The following BCL2L13 variants were observed in gnomAD, a reference collection of about 807,000 sequenced individuals.
BCL2L13 encodes the protein BCL2 like 13.
BCL2L13 carries 13 observed loss-of-function variants against 25.8 expected under a neutral mutation model. The ratio of observed to expected loss-of-function variants is 0.50; its 90% confidence interval spans 0.33 to 0.80. The LOEUF (loss-of-function observed/expected upper bound fraction) is 0.80. Among genes scored for constraint, BCL2L13 ranks in the 30% least tolerant of loss-of-function variants. The pLI is 0.02. For missense variants in BCL2L13, 504 were observed against 574.9 expected (o/e 0.88, Z 1.26); for synonymous variants, 244 against 230.3 (o/e 1.06, Z -0.54).
intron 6 of BCL2L13, among the ~76,000 whole-genome samples, chr22:17,711,304 C>CTTTTTTTTTTTTTTT (rs765639315): frequency 0.076 from 9,266 of 122,244 alleles, 809 homozygotes; most frequent in Non-Finnish European, 0.11. Flanking sequence ...CATGATGGGC[C>CTTTTTTTTTTTTTTT]TTTTTTTTTT....
chr22:17,657,881 ATGGCGATCT>A (rs1328631559), intron 2 of BCL2L13, among the ~76,000 whole-genome samples: 1 of 129,120 alleles, frequency 7.7e-6, no homozygotes, highest in Non-Finnish European at 1.6e-5. Flanking sequence ...CTGGAGTTCA[ATGGCGATCT>A]TGGCTCACTG....
chr22:17,639,856 C>CTT (rs113964087), intron 1 of BCL2L13, among the ~76,000 whole-genome samples: 2,625 of 140,892 alleles, frequency 0.019, 81 homozygotes, highest in African/African-American at 0.062. Flanking sequence ...TACCTTCTTT[C>CTT]TTTTTTTTTT....
At chr22:17,681,299 GATCGAGACC>G (rs1295962896) in intron 2 of BCL2L13, among the ~76,000 whole-genome samples, 1 of 152,028 alleles carries the variant, frequency 6.6e-6, no homozygotes, top group Non-Finnish European at 1.5e-5. Flanking sequence ...GGGGCCAGGA[GATCGAGACC>G]ATCCTGGCTA....
At chr22:17,697,322 C>T (rs2060294645) in intron 5 of BCL2L13, among the ~76,000 whole-genome samples, 1 of 152,088 alleles carries the variant, frequency 6.6e-6, no homozygotes, top group Admixed American at 6.6e-5. Context: ...CCTGTAGTCT[C>T]AGCTACTCAG....
intron 6 of BCL2L13, among the ~76,000 whole-genome samples, chr22:17,717,354 TG>T (rs35898645): frequency 0.3 from 41,549 of 137,214 alleles, 7,374 homozygotes; most frequent in African/African-American, 0.39. Flanking sequence ...GCAGGCAGCC[TG>T]GGGCAACAGA....
intron 5 of BCL2L13, among the ~76,000 whole-genome samples, chr22:17,696,514 G>A (rs902316193): frequency 5.3e-5 from 8 of 152,134 alleles, no homozygotes; most frequent in Non-Finnish European, 1.2e-4. Flanking sequence ...TTATTAACAT[G>A]TGAGTGTGTC....
Position 17,711,067 on chromosome 22 carries a change from A to ATTTT in BCL2L13, c.600+8681_600+8682insTTTT, listed in dbSNP as rs1229649715. Among the ~76,000 whole-genome samples the ATTTT allele has an allele frequency of 4.1e-3, 621 of 151,720 alleles. 3 individuals are homozygous for ATTTT. Among genetic ancestry groups the ATTTT allele is most frequent in the Middle Eastern group, 0.017 (5 of 294 alleles). On this transcript the variant is annotated intron_variant, in intron 6 of 6. Transcript: ENST00000317582. ...TTGAGCTGTTAAAAATAAGGGGAAAAGCCAGGCGTGGTGGTGCGGTGGCTC... is the reference window on the plus strand; with the variant it reads ...TTGAGCTGTTAAAAATAAGGGGAAAATTTTGCCAGGCGTGGTGGTGCGGTGGCTC...
chr22:17,671,155 G>A (rs554932899), intron 2 of BCL2L13, among the ~76,000 whole-genome samples: 2 of 152,032 alleles, frequency 1.3e-5, no homozygotes, highest in African/African-American at 4.8e-5. Context: ...AACACTTTGG[G>A]AGGCCGAGGT....
intron 2 of BCL2L13, among the ~76,000 whole-genome samples, chr22:17,678,287 G>A (rs968396207): frequency 6.6e-6 from 1 of 152,060 alleles, no homozygotes; most frequent in African/African-American, 2.4e-5. Context: ...GCCTCCCAAA[G>A]TGCTGAGATT....
At chr22:17,699,972 C>G (rs1248607156) in intron 5 of BCL2L13, among the ~76,000 whole-genome samples, 3 of 151,654 alleles carry the variant, frequency 2.0e-5, no homozygotes. Flanking sequence ...GATAGCATGC[C>G]AAATAGGTAA....
rs2061367108 is a variant in BCL2L13, at chr22:17,729,411, AT to A, written c.*1878del. ...ATGATTTTTTTCTTCATGGGCTCTG[AT>A]AGTTGCATTGATTGTTCTGTATTCT... On this transcript the variant is annotated 3_prime_UTR_variant, in exon 7 of 7. Transcript: ENST00000317582. The A allele has an allele frequency of 1.3e-5, 2 of 152,162 alleles. No homozygotes were observed. Among genetic ancestry groups the A allele is most frequent in the African/African-American group, 4.8e-5 (2 of 41,426 alleles). 9.4% of individuals were successfully genotyped at this position (152,162 alleles called of 1,614,324 possible). A position where few individuals can be genotyped will look rare whatever the true frequency, so the allele number is the denominator to read the frequency against.
At chr22:17,661,950 C>G (rs2059080118) in intron 2 of BCL2L13, among the ~76,000 whole-genome samples, 1 of 149,280 alleles carries the variant, frequency 6.7e-6, no homozygotes, top group Non-Finnish European at 1.5e-5. Context: ...AAAATTGCAC[C>G]ATTGCACTCC....
intron 3 of BCL2L13, among the ~76,000 whole-genome samples, chr22:17,684,977 T>C (rs1224185002): frequency 3.3e-5 from 5 of 152,056 alleles, no homozygotes; most frequent in Non-Finnish European, 7.4e-5. Context: ...CCTTGTTTTC[T>C]GCCCGCCTTG....
At chr22:17,683,031 G>A (rs1161649247) in intron 2 of BCL2L13, among the ~76,000 whole-genome samples, 183 bp from the exon 3 acceptor site, 1 of 151,904 alleles carries the variant, frequency 6.6e-6, no homozygotes, top group African/African-American at 2.4e-5. Context: ...TACTTGGGAG[G>A]CTGAGGCAGG....
chr22:17,649,013 G>A (rs2058587763), intron 1 of BCL2L13, among the ~76,000 whole-genome samples: 1 of 151,972 alleles, frequency 6.6e-6, no homozygotes, highest in Non-Finnish European at 1.5e-5. Flanking sequence ...CAGGCTCACT[G>A]CAGCCTCAAT....
In BCL2L13 at chr22:17,667,574, T is replaced by G. The variant is rs5747318; in HGVS notation, c.121+11742T>G. Among the ~76,000 whole-genome samples the G allele has an allele frequency of 7.2e-5, 11 of 152,108 alleles. No homozygotes were observed. In the East Asian group the frequency reaches 1.5e-3, roughly 21 times the overall value. On this transcript the variant is annotated intron_variant, in intron 2 of 6. Coordinates refer to ENST00000317582, the MANE Select transcript of BCL2L13 (RefSeq NM_015367.4). ...CCCAGGCTGGAATATAGTGGTGTGG[T>G]CTCAGCTCACTGCAACCTCAGCCTC...
chr22:17,640,579 G>T (rs1350551090), intron 1 of BCL2L13, among the ~76,000 whole-genome samples: 3 of 151,994 alleles, frequency 2.0e-5, no homozygotes, highest in Admixed American at 1.3e-4. Context: ...ATTTCATTTG[G>T]CTGTTTGCGA....
intron 2 of BCL2L13, among the ~76,000 whole-genome samples, chr22:17,678,321 C>A (rs937690340): frequency 6.6e-6 from 1 of 152,146 alleles, no homozygotes; most frequent in African/African-American, 2.4e-5. Flanking sequence ...CCACACCCAA[C>A]TGAAGTGAAG....
chr22:17,634,128 T>C (rs1359069891), upstream of BCL2L13, among the ~76,000 whole-genome samples: 1 of 152,154 alleles, frequency 6.6e-6, no homozygotes, highest in Non-Finnish European at 1.5e-5. Context: ...TCTCTCACCT[T>C]CTTCTCTATT....
Sources: gnomAD v4.1 joint callset for allele counts (sites outside exome capture counted in the v4.1 genomes callset) on GRCh38, gnomAD v4.1.1 for gene constraint, MANE v1.5 for transcripts, NCBI Gene and HGNC (gene_info 2026-07-23, HGNC 2026-07-21) for gene names.